RALGAPA2: variants seen among roughly 807,000 people sequenced by gnomAD.
RALGAPA2 encodes ral GTPase-activating protein subunit alpha-2.
Under a neutral mutation model 230.4 loss-of-function variants are expected in RALGAPA2, and 139 were observed. The observed-to-expected ratio is 0.60, with a 90% confidence interval of 0.53 to 0.69. The LOEUF is 0.69. Ranked by LOEUF, RALGAPA2 falls within the 30% of genes least tolerant of loss-of-function variation. RALGAPA2 has a pLI of 0.00. For synonymous variants in RALGAPA2, 847 were observed against 837.8 expected (o/e 1.01, Z -0.19); for missense variants, 2,163 against 2,276.0 (o/e 0.95, Z 1.01).
chr20:20,572,274 T>G (rs76997585), intron 21 of RALGAPA2, among the ~76,000 whole-genome samples: 2,334 of 152,050 alleles, frequency 0.015, 51 homozygotes, highest in African/African-American at 0.054. Flanking sequence ...AAAAAAAAAT[T>G]TAATACATGT....
chr20:20,511,209 C>T (rs1410339982), intron 33 of RALGAPA2, 45 bp downstream of exon 33: 1 of 1,546,458 alleles, frequency 6.5e-7, no homozygotes, highest in East Asian at 2.4e-5. Context: ...CCAAGAATAC[C>T]CAAAGACAAA....
intron 37 of RALGAPA2, among the ~76,000 whole-genome samples, chr20:20,456,670 A>G (rs1033876648): frequency 6.6e-6 from 1 of 152,230 alleles, no homozygotes; most frequent in Admixed American, 6.5e-5. Context: ...TGAGCCAGGT[A>G]TGCCTGGCCA....
chr20:20,584,962 A>T lies in RALGAPA2; in HGVS notation c.2440-7T>A, dbSNP rs1241457337. 6.2e-7 allele frequency: 1 copy of T among 1,600,880 alleles called. No homozygotes were observed. Among genetic ancestry groups the T allele is most frequent in the African/African-American group, 1.3e-5 (1 of 74,832 alleles). Reference sequence around the variant, plus strand: ...TGCTTCTTCGAACTAAGATCTTCAGACAAAAAGAAATATTGCATTTACTAC... The same window carrying T: ...TGCTTCTTCGAACTAAGATCTTCAGTCAAAAAGAAATATTGCATTTACTAC... On this transcript the variant is annotated splice_polypyrimidine_tract_variant and splice_region_variant and intron_variant, in intron 18 of 39. Transcript: ENST00000202677.
At chr20:20,406,056 T>C (rs2059938505) in intron 38 of RALGAPA2, among the ~76,000 whole-genome samples, 1 of 152,216 alleles carries the variant, frequency 6.6e-6, no homozygotes, top group African/African-American at 2.4e-5. Context: ...AAAATCAAGA[T>C]ATATGTAACC....
chr20:20,659,332 A>G (rs906871586), intron 3 of RALGAPA2, among the ~76,000 whole-genome samples: 3 of 152,188 alleles, frequency 2.0e-5, no homozygotes, highest in Non-Finnish European at 4.4e-5. Flanking sequence ...TCTTACTACA[A>G]TGACTCAACT....
chr20:20,596,064 T>G (rs920467355), intron 16 of RALGAPA2, among the ~76,000 whole-genome samples: 1 of 152,168 alleles, frequency 6.6e-6, no homozygotes, highest in African/African-American at 2.4e-5. Flanking sequence ...AAAGTGCCAG[T>G]CCTACCTCCC....
At position 20,531,591 on chromosome 20, in the gene RALGAPA2, T is replaced by C. The variant is rs543404197; in HGVS notation, c.3582+96A>G. 8.7e-5 allele frequency: 90 copies of C among 1,039,488 alleles called. 2 individuals are homozygous for C. In the South Asian group the frequency reaches 1.2e-3, roughly 14 times the overall value. 64.4% of individuals were successfully genotyped at this position (1,039,488 alleles called of 1,614,324 possible). On this transcript the variant is annotated intron_variant, in intron 27 of 39. Transcript: ENST00000202677. ...AATGGGAATCACAATCCCTCTGTCA[T>C]TTGGGGGATAAAAAAGATGGGGCTA...
At chr20:20,447,702 A>G (rs2060895526) in intron 37 of RALGAPA2, among the ~76,000 whole-genome samples, 1 of 152,106 alleles carries the variant, frequency 6.6e-6, no homozygotes, top group Admixed American at 6.6e-5. Context: ...CCAACATAAA[A>G]TAAGGAGTGG....
Position 20,571,891 on chromosome 20 carries a change from A to G in RALGAPA2, c.2957T>C (p.Val986Ala). 1 of 1,612,206 alleles carries G rather than the reference A, an allele frequency of 6.2e-7. No homozygotes were observed. The highest frequency in any genetic ancestry group is 2.2e-5 in the East Asian group (1 of 44,814). The change falls in exon 22 of 40, where the codon GTT (valine) becomes GCT (alanine). Residue 986 changes from valine (V) to alanine (A), a missense_variant. By Grantham distance (64) the Val-to-Ala change is moderately conservative (BLOSUM62 0). Transcript: ENST00000202677. ...AAACATTCTGAGTGGTGGGATCAAA[A>G]CTGGAGGAGATGGAGAAGACTGGTT... ...LDNQSSPSPP[V>A]LIPPLRMFAS... is the part of the protein sequence containing the mutation.
At chr20:20,634,458 CAGA>C (rs1306632795) in intron 9 of RALGAPA2, among the ~76,000 whole-genome samples, 10 of 152,166 alleles carry the variant, frequency 6.6e-5, no homozygotes, top group Non-Finnish European at 1.2e-4. Context: ...GCACCTCCCT[CAGA>C]TCTTAAAAAT....
At chr20:20,560,996 G>A (rs2064241426) in intron 23 of RALGAPA2, among the ~76,000 whole-genome samples, 1 of 152,224 alleles carries the variant, frequency 6.6e-6, no homozygotes. Flanking sequence ...AACAGGCTAT[G>A]TATCTGTTCA....
intron 3 of RALGAPA2, among the ~76,000 whole-genome samples, chr20:20,659,230 C>T (rs939242267): frequency 5.3e-5 from 8 of 152,192 alleles, no homozygotes; most frequent in African/African-American, 9.7e-5. Context: ...GAGGGACCCA[C>T]GTGCATAGCA....
chr20:20,554,011 T>C (rs537900672), intron 23 of RALGAPA2, among the ~76,000 whole-genome samples: 2 of 152,350 alleles, frequency 1.3e-5, no homozygotes, highest in East Asian at 3.8e-4. Flanking sequence ...TATATTCATA[T>C]ATAATGAAAT....
At chr20:20,579,307 T>C (rs1479310881) in intron 20 of RALGAPA2, among the ~76,000 whole-genome samples, 1 of 152,214 alleles carries the variant, frequency 6.6e-6, no homozygotes. Flanking sequence ...ATTAAATGCT[T>C]CTCTCCTGTC....
intron 14 of RALGAPA2, among the ~76,000 whole-genome samples, chr20:20,607,947 C>G (rs957975608): frequency 6.6e-6 from 1 of 152,068 alleles, no homozygotes; most frequent in Non-Finnish European, 1.5e-5. Flanking sequence ...AGTGGTGGCA[C>G]CTGTGGACAT....
At chr20:20,518,485 C>A (rs1448851066) in intron 31 of RALGAPA2, among the ~76,000 whole-genome samples, 2 of 152,134 alleles carry the variant, frequency 1.3e-5, no homozygotes, top group African/African-American at 4.8e-5. Context: ...TTCCTTTTCA[C>A]TTTCTATATG....
intron 36 of RALGAPA2, among the ~76,000 whole-genome samples, chr20:20,485,600 T>C (rs2061891242): frequency 6.6e-6 from 1 of 152,246 alleles, no homozygotes; most frequent in African/African-American, 2.4e-5. Context: ...TTATAATTCT[T>C]TTAAAAACAT....
chr20:20,637,553 C>A, intron 7 of RALGAPA2, 52 bp from the exon 8 acceptor site: 1 of 1,454,026 alleles, frequency 6.9e-7, no homozygotes, highest in South Asian at 1.3e-5. Context: ...TTCAAATTAA[C>A]ATATACTAAA....
At chr20:20,395,032 GA>G (rs573532020) in intron 39 of RALGAPA2, among the ~76,000 whole-genome samples, 3 of 152,160 alleles carry the variant, frequency 2.0e-5, no homozygotes, top group Non-Finnish European at 4.4e-5. Flanking sequence ...GGAGGATAAA[GA>G]GGGAAAGAGG....
Sources: gnomAD v4.1 joint callset for allele counts (sites outside exome capture counted in the v4.1 genomes callset) on GRCh38, gnomAD v4.1.1 for gene constraint, MANE v1.5 for transcripts, NCBI Gene and HGNC (gene_info 2026-07-23, HGNC 2026-07-21) for gene names.